Variants in EXOC4 observed in about 807,000 individuals in gnomAD.
EXOC4 encodes SEC8-like 1.
Under a neutral mutation model 107.2 loss-of-function variants are expected in EXOC4, and 71 were observed. The observed-to-expected ratio is 0.66, with a 90% CI of 0.55 to 0.81. The LOEUF (loss-of-function observed/expected upper bound fraction) is 0.81. Ranked by LOEUF, EXOC4 falls within the 30% of genes least tolerant of loss-of-function variation. The pLI is 0.00. For synonymous variants in EXOC4, 456 were observed against 441.2 expected (o/e 1.03, Z -0.42); for missense variants, 1,108 against 1,189.6 (o/e 0.93, Z 1.01).
At chr7:133,585,842 C>G (rs1055873732) in intron 9 of EXOC4, among the ~76,000 whole-genome samples, 6 of 151,996 alleles carry the variant, frequency 3.9e-5, no homozygotes, top group African/African-American at 1.4e-4. Flanking sequence ...TACAGGCATG[C>G]ACCACCACAC....
intron 7 of EXOC4, among the ~76,000 whole-genome samples, chr7:133,446,562 A>C (rs941135079): frequency 5.3e-5 from 8 of 152,338 alleles, no homozygotes; most frequent in African/African-American, 1.7e-4. Flanking sequence ...CTGTCTGCTC[A>C]CTATTACCCG....
At chr7:133,511,207 A>C (rs1475964689) in intron 9 of EXOC4, among the ~76,000 whole-genome samples, 1 of 152,166 alleles carries the variant, frequency 6.6e-6, no homozygotes, top group Non-Finnish European at 1.5e-5. Context: ...CACCAGTTTT[A>C]TTTTAAATTT....
intron 15 of EXOC4, among the ~76,000 whole-genome samples, chr7:133,998,381 G>C (rs1794445562): frequency 6.6e-6 from 1 of 152,152 alleles, no homozygotes; most frequent in Non-Finnish European, 1.5e-5. Flanking sequence ...GACTAGGAAT[G>C]GGATTCTTTT....
rs150479176 is a variant in EXOC4 at position 133,975,112 on chromosome 7, T to C, written c.2207-22380T>C. On this transcript the variant is annotated intron_variant, in intron 14 of 17. Coordinates refer to ENST00000253861, the MANE Select transcript of EXOC4 (RefSeq NM_021807.4). ...GTTTATAAGTACAGTGTGGGAAATATTTTGTGGAAATTCACCTCTCTGAGA... is the reference window on the plus strand; with the variant it reads ...GTTTATAAGTACAGTGTGGGAAATACTTTGTGGAAATTCACCTCTCTGAGA... Among the ~76,000 whole-genome samples, 704 of 152,196 alleles carry C rather than the reference T, an allele frequency of 4.6e-3. 3 individuals are homozygous for C. Among genetic ancestry groups the C allele is most frequent in the Middle Eastern group, 0.017 (5 of 294 alleles).
chr7:133,390,855 G>C (rs2150715964), intron 7 of EXOC4, among the ~76,000 whole-genome samples: 1 of 152,298 alleles, frequency 6.6e-6, no homozygotes, highest in African/African-American at 2.4e-5. Context: ...TGTGTTTTAT[G>C]AATACTTTTC....
chr7:133,316,721 C>T (rs1347249006), intron 4 of EXOC4, among the ~76,000 whole-genome samples: 1 of 152,076 alleles, frequency 6.6e-6, no homozygotes, highest in Admixed American at 6.5e-5. Flanking sequence ...CTGAATTAAC[C>T]TGTTTGAGAT....
At chr7:133,495,844 C>T (rs1455872916) in intron 9 of EXOC4, among the ~76,000 whole-genome samples, 1 of 152,102 alleles carries the variant, frequency 6.6e-6, no homozygotes, top group African/African-American at 2.4e-5. Flanking sequence ...ATTGTTGGTT[C>T]ATAACATAGG....
intron 17 of EXOC4, 116 bp from the exon 18 acceptor site, chr7:134,064,175 C>A: frequency 1.7e-6 from 1 of 602,642 alleles, no homozygotes; most frequent in Non-Finnish European, 2.7e-6. Flanking sequence ...ACACTGCCTG[C>A]TGATCAATCG....
At chr7:133,655,809 AAGG>A (rs1803278149) in intron 10 of EXOC4, among the ~76,000 whole-genome samples, 2 of 152,236 alleles carry the variant, frequency 1.3e-5, no homozygotes, top group African/African-American at 2.4e-5. Flanking sequence ...TTATTTTAAT[AAGG>A]AGGAATACAC....
At position 133,470,473 on chromosome 7, in the gene EXOC4, T is replaced by C. The variant is rs550766010; in HGVS notation, c.1183-4855T>C. ...AGTTTATATGTTCTTTAAAACACTC[T>C]GTATCTTTATTTTGACCACAGAGCC... On this transcript the variant is annotated intron_variant, in intron 7 of 17. Transcript: ENST00000253861. Among the ~76,000 whole-genome samples the C allele has an allele frequency of 2.0e-3, 307 of 152,310 alleles. 1 individual carries two copies. The highest frequency in any genetic ancestry group is 3.2e-3 in the Non-Finnish European group (221 of 68,034).
chr7:133,495,659 C>T lies in EXOC4; in HGVS notation c.1417+15521C>T, dbSNP rs149499227. On this transcript the variant is annotated intron_variant, in intron 9 of 17. Coordinates refer to ENST00000253861, the MANE Select transcript of EXOC4 (RefSeq NM_021807.4). ...TGGCACATTCATTCTTGTGGATTTG[C>T]ATATCAGTTTTTATTATTGCATAGT... Among the ~76,000 whole-genome samples, 932 of 152,234 alleles carry T rather than the reference C, an allele frequency of 6.1e-3. 8 individuals carry two copies. The highest frequency in any genetic ancestry group is 0.021 in the African/African-American group (890 of 41,544).
intron 17 of EXOC4, among the ~76,000 whole-genome samples, chr7:134,058,865 C>G (rs1041577460): frequency 6.6e-6 from 1 of 152,136 alleles, no homozygotes; most frequent in African/African-American, 2.4e-5. Flanking sequence ...ATCACTAATA[C>G]TCTGTAGATC....
At chr7:133,779,652 G>C (rs944910853) in intron 10 of EXOC4, among the ~76,000 whole-genome samples, 1 of 152,030 alleles carries the variant, frequency 6.6e-6, no homozygotes, top group African/African-American at 2.4e-5. Flanking sequence ...GGTGCTCTGT[G>C]GCTATCTAGG....
intron 17 of EXOC4, among the ~76,000 whole-genome samples, chr7:134,041,665 C>G (rs1425214490): frequency 6.6e-6 from 1 of 152,010 alleles, no homozygotes; most frequent in East Asian, 1.9e-4. Context: ...TATTATAGAA[C>G]TAATTAAAGA....
chr7:133,272,382 A>G (rs1793892568), intron 1 of EXOC4, among the ~76,000 whole-genome samples: 1 of 152,148 alleles, frequency 6.6e-6, no homozygotes, highest in South Asian at 2.1e-4. Context: ...GTGTAAATTA[A>G]TTCAACGTCT....
intron 5 of EXOC4, among the ~76,000 whole-genome samples, chr7:133,331,648 G>A (rs1398807625): frequency 1.3e-5 from 2 of 151,836 alleles, no homozygotes; most frequent in Admixed American, 6.6e-5. Context: ...TGTATTTTTA[G>A]TAGAGACGGG....
At chr7:133,786,316 T>G (rs1796568365) in intron 10 of EXOC4, among the ~76,000 whole-genome samples, 1 of 152,242 alleles carries the variant, frequency 6.6e-6, no homozygotes, top group South Asian at 2.1e-4. Flanking sequence ...GGTCTCTCAC[T>G]TTGGCCAGGG....
intron 11 of EXOC4, among the ~76,000 whole-genome samples, chr7:133,856,543 A>G (rs940003815): frequency 3.3e-5 from 5 of 152,024 alleles, no homozygotes; most frequent in Non-Finnish European, 4.4e-5. Context: ...AGTATCCAAC[A>G]TGTAGTAGAG....
intron 14 of EXOC4, among the ~76,000 whole-genome samples, chr7:133,960,800 G>C (rs1039052071): frequency 2.6e-5 from 4 of 152,154 alleles, no homozygotes; most frequent in Non-Finnish European, 5.9e-5. Flanking sequence ...CACAGAACTT[G>C]CAAGTTTGAC....
Sources: gnomAD v4.1 joint callset for allele counts (sites outside exome capture counted in the v4.1 genomes callset) on GRCh38, gnomAD v4.1.1 for gene constraint, MANE v1.5 for transcripts, NCBI Gene and HGNC (gene_info 2026-07-23, HGNC 2026-07-21) for gene names.